Variants in CACNA1D observed in about 807,000 individuals in gnomAD.
CACNA1D encodes calcium voltage-gated channel subunit alpha1 D.
A neutral mutation model predicts 257.1 loss-of-function variants in CACNA1D; 55 were observed. That is an observed-to-expected ratio of 0.21 (90% confidence interval 0.17 to 0.27). The LOEUF (loss-of-function observed/expected upper bound fraction) is 0.27. Among genes scored for constraint, CACNA1D ranks in the 10% least tolerant of loss-of-function variants. The pLI, the probability that CACNA1D is intolerant of heterozygous loss-of-function variation, is 1.00. For synonymous variants in CACNA1D, 980 were observed against 1,014.9 expected (o/e 0.97, Z 0.65); for missense variants, 1,876 against 2,784.0 (o/e 0.67, Z 7.34).
intron 3 of CACNA1D, among the ~76,000 whole-genome samples, chr3:53,560,294 C>G (rs1368178509): frequency 1.3e-5 from 2 of 151,966 alleles, no homozygotes; most frequent in African/African-American, 4.8e-5. Flanking sequence ...TCCTCTGATT[C>G]TTCATGTTTT....
At chr3:53,808,612 T>A (rs1166303335) in intron 45 of CACNA1D, 37 bp from the exon 46 acceptor site, 1 of 1,603,102 alleles carries the variant, frequency 6.2e-7, no homozygotes. Flanking sequence ...GGCAGAGAAC[T>A]TGCTTCACAG....
At chr3:53,762,120 T>TCTC in intron 30 of CACNA1D, 39 bp downstream of exon 30, 1 of 1,266,274 alleles carries the variant, frequency 7.9e-7, no homozygotes, top group South Asian at 1.2e-5. Context: ...CTGTGTCCTC[T>TCTC]CTCCTCTGTC....
At chr3:53,526,258 T>C (rs1054344831) in intron 3 of CACNA1D, among the ~76,000 whole-genome samples, 13 of 152,220 alleles carry the variant, frequency 8.5e-5, no homozygotes, top group African/African-American at 3.1e-4. Flanking sequence ...CCTAAGTTCC[T>C]GGGCTAAGAA....
intron 8 of CACNA1D, among the ~76,000 whole-genome samples, chr3:53,690,660 G>A (rs867186978): frequency 3.9e-5 from 6 of 152,196 alleles, no homozygotes; most frequent in South Asian, 4.1e-4. Flanking sequence ...CGTGGCCTGC[G>A]AGTGGGATTT....
intron 14 of CACNA1D, 73 bp from the exon 15 acceptor site, chr3:53,726,806 C>A (rs1481005827): frequency 4.4e-6 from 7 of 1,605,952 alleles, no homozygotes; most frequent in Non-Finnish European, 5.1e-6. Flanking sequence ...TCTAGGCAGC[C>A]ACCGAGGGGC....
intron 8 of CACNA1D, among the ~76,000 whole-genome samples, chr3:53,682,379 A>AAAAAAAAC (rs2094439131): frequency 6.9e-6 from 1 of 145,132 alleles, no homozygotes; most frequent in Non-Finnish European, 1.5e-5. Flanking sequence ...AAAAAAAAAA[A>AAAAAAAAC]AAAAAAAAAA....
intron 47 of CACNA1D, 160 bp downstream of exon 47, chr3:53,810,458 T>A: frequency 1.4e-6 from 1 of 740,044 alleles, no homozygotes; most frequent in Non-Finnish European, 2.4e-6. Flanking sequence ...GAAGCATGAG[T>A]AAAAACTGGT....
At chr3:53,657,295 T>TG (rs2094157289) in intron 4 of CACNA1D, among the ~76,000 whole-genome samples, 1 of 151,804 alleles carries the variant, frequency 6.6e-6, no homozygotes, top group African/African-American at 2.4e-5. Context: ...GAACATACTA[T>TG]GTGATTCCAT....
chr3:53,765,154 G>GTC (rs1429715410), intron 30 of CACNA1D, among the ~76,000 whole-genome samples: 2 of 152,200 alleles, frequency 1.3e-5, no homozygotes, highest in African/African-American at 4.8e-5. Context: ...AGGACTGGGT[G>GTC]TCCTTAACCT....
intron 30 of CACNA1D, among the ~76,000 whole-genome samples, chr3:53,766,976 G>T (rs971504023): frequency 2.6e-5 from 4 of 152,184 alleles, no homozygotes; most frequent in Non-Finnish European, 4.4e-5. Context: ...AGCTCCACCA[G>T]TTCCCTTCAT....
intron 3 of CACNA1D, among the ~76,000 whole-genome samples, chr3:53,556,240 G>T (rs566855966): frequency 6.6e-6 from 1 of 152,164 alleles, no homozygotes; most frequent in Non-Finnish European, 1.5e-5. Flanking sequence ...TGCTAGAAAC[G>T]TACAGGTTTT....
intron 8 of CACNA1D, among the ~76,000 whole-genome samples, chr3:53,692,336 G>A (rs2094536266): frequency 6.6e-6 from 1 of 152,162 alleles, no homozygotes; most frequent in South Asian, 2.1e-4. Context: ...TATGTCTTGA[G>A]CCAGCCGAGT....
Position 53,800,929 on chromosome 3 carries a change from G to T in CACNA1D, c.5041-129G>T. 3 of 883,936 alleles carry T rather than the reference G, an allele frequency of 3.4e-6. No homozygotes were observed. The highest frequency in any genetic ancestry group is 4.8e-5 in the East Asian group (2 of 41,450). The allele number at this position is 883,936 out of a possible 1,614,324, so 54.8% of individuals were successfully genotyped here. On this transcript the variant is annotated intron_variant, in intron 41 of 47. Coordinates refer to ENST00000350061, the MANE Select transcript of CACNA1D (RefSeq NM_001128840.3). The surrounding 1 kb of genome is among the most constrained non-coding windows in gnomAD (Gnocchi z 4.3). ...TTCACCCTGATCATTGAGACACTCA[G>T]ATTGTTTTACAGGGATCCTACGGAG...
chr3:53,648,912 T>G (rs1045870394), intron 3 of CACNA1D, among the ~76,000 whole-genome samples: 1 of 151,206 alleles, frequency 6.6e-6, no homozygotes, highest in Non-Finnish European at 1.5e-5. Flanking sequence ...AAAGGGAGCT[T>G]TGGAGGGCAA....
chr3:53,680,230 A>T (rs1246506377), intron 8 of CACNA1D, among the ~76,000 whole-genome samples: 1 of 152,196 alleles, frequency 6.6e-6, no homozygotes, highest in African/African-American at 2.4e-5. Context: ...CCTTGTTTCC[A>T]TCAAGCTGAC....
At chr3:53,772,024 T>C (rs1334835832) in intron 32 of CACNA1D, among the ~76,000 whole-genome samples, 3 of 152,234 alleles carry the variant, frequency 2.0e-5, no homozygotes, top group Non-Finnish European at 2.9e-5. Context: ...TTTAAGCATG[T>C]GTTCCCAGAA....
chr3:53,796,472 G>T (rs1261330233), intron 40 of CACNA1D: 1 of 451,292 alleles, frequency 2.2e-6, no homozygotes, highest in African/African-American at 2.0e-5. Flanking sequence ...CAGATGGCTG[G>T]TGTGTCTGAT....
At chr3:53,588,753 G>T (rs763785489) in intron 3 of CACNA1D, among the ~76,000 whole-genome samples, 1 of 152,130 alleles carries the variant, frequency 6.6e-6, no homozygotes, top group Non-Finnish European at 1.5e-5. Flanking sequence ...TAACCTTAAA[G>T]TGATTTGGTA....
chr3:53,601,793 C>T (rs1191906950), intron 3 of CACNA1D, among the ~76,000 whole-genome samples: 1 of 152,186 alleles, frequency 6.6e-6, no homozygotes, highest in African/African-American at 2.4e-5. Context: ...TCACTGCAAC[C>T]TCCACCTCCT....
Sources: allele counts gnomAD v4.1 joint callset (sites outside exome capture counted in the v4.1 genomes callset), GRCh38; gene constraint gnomAD v4.1.1; non-coding constraint Gnocchi (gnomAD v3.1); transcripts MANE v1.5; gene names NCBI Gene and HGNC (gene_info 2026-07-23, HGNC 2026-07-21).